LMBR1: variants seen among roughly 807,000 people sequenced by gnomAD.
The protein encoded by LMBR1 is limb development membrane protein 1.
In LMBR1, 52 loss-of-function variants were observed where a neutral mutation model predicts 73.9. The ratio of observed to expected loss-of-function variants is 0.70; its 90% CI spans 0.56 to 0.89. The LOEUF is 0.89. Among genes scored for constraint, LMBR1 ranks in the 40% least tolerant of loss-of-function variants. LMBR1 has a pLI of 0.00. For missense variants in LMBR1, 539 were observed against 579.8 expected, an observed-to-expected ratio of 0.93 and a Z score of 0.72; for synonymous variants, 215 against 209.4, an observed-to-expected ratio of 1.03 and a Z score of -0.23.
At chr7:156,776,396 T>A (rs951754371) in intron 5 of LMBR1, among the ~76,000 whole-genome samples, 2 of 152,128 alleles carry the variant, frequency 1.3e-5, no homozygotes, top group African/African-American at 4.8e-5. Flanking sequence ...TCTTATCACA[T>A]CCCCTGCCCT....
chr7:156,776,039 T>C (rs1195775660), intron 5 of LMBR1, among the ~76,000 whole-genome samples: 2 of 149,236 alleles, frequency 1.3e-5, no homozygotes, highest in Non-Finnish European at 3.0e-5. Flanking sequence ...CGAATGAGTA[T>C]TATATATATA....
intron 5 of LMBR1, among the ~76,000 whole-genome samples, chr7:156,786,881 C>T (rs1828201102): frequency 6.6e-6 from 1 of 152,014 alleles, no homozygotes; most frequent in South Asian, 2.1e-4. Flanking sequence ...TATATATATA[C>T]CCTTTCTAAT....
At chr7:156,784,622 A>G (rs1428359209) in intron 5 of LMBR1, among the ~76,000 whole-genome samples, 2 of 152,248 alleles carry the variant, frequency 1.3e-5, no homozygotes, top group Non-Finnish European at 2.9e-5. Flanking sequence ...TGAGGAGCGC[A>G]GACAATCAAA....
chr7:156,879,700 C>T (rs1305977498), intron 1 of LMBR1, among the ~76,000 whole-genome samples: 1 of 142,986 alleles, frequency 7.0e-6, no homozygotes, highest in Non-Finnish European at 1.5e-5. Context: ...AGGACATAAA[C>T]AAACAATTCC....
chr7:156,727,999 C>G lies in LMBR1; in HGVS notation c.924G>C (p.Ser308=), dbSNP rs369290341. 5 of 1,612,126 alleles carry G rather than the reference C, an allele frequency of 3.1e-6. No homozygotes were observed. The highest frequency in any genetic ancestry group is 4.2e-6 in the Non-Finnish European group (5 of 1,178,958). ...GAATATTACAAGCCACCAAGAGGAC[C>G]GAGATGGACTACAAGACAAACAGCA... ...MVLLLIETSI[S]VLLVACNILC... Residue 308 remains serine (S), a synonymous_variant, in exon 12 of 17, where the codon TCG becomes TCC. Coordinates refer to ENST00000353442, the MANE Select transcript of LMBR1 (RefSeq NM_022458.4).
intron 5 of LMBR1, among the ~76,000 whole-genome samples, chr7:156,785,946 A>G (rs1827998018): frequency 6.6e-6 from 1 of 152,204 alleles, no homozygotes; most frequent in Non-Finnish European, 1.5e-5. Context: ...CCTAGCATGC[A>G]ATAAGCCACC....
rs552327641 is a variant in LMBR1 at position 156,679,986 on chromosome 7, T to G, written c.*4092A>C. 2 of 152,360 alleles carry G rather than the reference T, an allele frequency of 1.3e-5. No homozygotes were observed. The highest frequency in any genetic ancestry group is 4.8e-5 in the African/African-American group (2 of 41,592). The allele number at this position is 152,360 out of a possible 1,614,324, so 9.4% of individuals were successfully genotyped here. ...TTGCCTAATATTCCTTCAAGACATATGGATCAATCACCAAGTTTTGAAATT... is the reference window on the plus strand; with the variant it reads ...TTGCCTAATATTCCTTCAAGACATAGGGATCAATCACCAAGTTTTGAAATT... On this transcript the variant is annotated 3_prime_UTR_variant, in exon 17 of 17. Transcript: ENST00000353442.
chr7:156,888,409 C>CAAAAAAAAAAAAAAAAAA, intron 1 of LMBR1, among the ~76,000 whole-genome samples: 1 of 91,948 alleles, frequency 1.1e-5, no homozygotes, highest in Non-Finnish European at 2.3e-5. Flanking sequence ...GACTCTGTCT[C>CAAAAAAAAAAAAAAAAAA]AAAAAAAAAA....
chr7:156,883,751 C>T (rs1801460003), intron 1 of LMBR1, among the ~76,000 whole-genome samples: 2 of 152,210 alleles, frequency 1.3e-5, no homozygotes, highest in African/African-American at 4.8e-5. Flanking sequence ...GGTCCCTCCT[C>T]CTTCCTCAAA....
intron 4 of LMBR1, among the ~76,000 whole-genome samples, chr7:156,671,102 A>G (rs1335882958): frequency 6.6e-6 from 1 of 152,254 alleles, no homozygotes; most frequent in Non-Finnish European, 1.5e-5. Flanking sequence ...GGCAATAGCT[A>G]AAAGAATAGA....
At chr7:156,725,406 G>C in intron 14 of LMBR1, 29 bp downstream of exon 14, 1 of 1,376,190 alleles carries the variant, frequency 7.3e-7, no homozygotes, top group South Asian at 1.2e-5. Flanking sequence ...GCAAACGAGA[G>C]GCCACAGTCA....
chr7:156,679,571 C>T lies in LMBR1; in HGVS notation c.*4507G>A, dbSNP rs1563114110. On this transcript the variant is annotated 3_prime_UTR_variant, in exon 17 of 17. Coordinates refer to ENST00000353442, the MANE Select transcript of LMBR1 (RefSeq NM_022458.4). ...GTGTTTGTAAGCGGCATCGTTCATT[C>T]AGTAACAGCTTTTCAAAGGAAAGGA... 1 of 152,148 alleles carries T rather than the reference C, an allele frequency of 6.6e-6. No individual in the cohort carries two copies. The allele number at this position is 152,148 out of a possible 1,614,324, so 9.4% of individuals were successfully genotyped here.
At chr7:156,815,803 C>T (rs1461550507) in intron 4 of LMBR1, among the ~76,000 whole-genome samples, 1 of 152,010 alleles carries the variant, frequency 6.6e-6, no homozygotes, top group Non-Finnish European at 1.5e-5. Flanking sequence ...TCCTCGAATA[C>T]TAAGGGTCCA....
At chr7:156,868,654 T>C (rs1798823567) in intron 1 of LMBR1, among the ~76,000 whole-genome samples, 1 of 149,608 alleles carries the variant, frequency 6.7e-6, no homozygotes, top group South Asian at 2.1e-4. Flanking sequence ...CAGAGCAAGA[T>C]GCCATCTCAA....
At chr7:156,672,934 C>G (rs1802887662), downstream of LMBR1, among the ~76,000 whole-genome samples, 1 of 152,248 alleles carries the variant, frequency 6.6e-6, no homozygotes, top group Non-Finnish European at 1.5e-5. Context: ...GCCTCAGAAT[C>G]ACCTGGAGGG....
At chr7:156,860,970 C>T (rs113172759) in intron 1 of LMBR1, among the ~76,000 whole-genome samples, 2 of 152,212 alleles carry the variant, frequency 1.3e-5, no homozygotes, top group South Asian at 2.1e-4. Context: ...CTTTTTCAGG[C>T]GCATGGTGCA....
intron 4 of LMBR1, chr7:156,822,660 T>C (rs1176189987): frequency 6.6e-6 from 1 of 150,818 alleles, no homozygotes; most frequent in African/African-American, 2.4e-5. Context: ...AATATTCAAA[T>C]TCTGGAAAAA....
Position 156,750,247 on chromosome 7 carries a change from G to A in LMBR1, c.757+6146C>T, listed in dbSNP as rs189012577. ...AAAGCTGATTATTTCAATTAATGCCGTTGCATTACTTAAACATTTAAACAT... is the reference window on the plus strand; with the variant it reads ...AAAGCTGATTATTTCAATTAATGCCATTGCATTACTTAAACATTTAAACAT... On this transcript the variant is annotated intron_variant, in intron 9 of 16. Coordinates refer to ENST00000353442, the MANE Select transcript of LMBR1 (RefSeq NM_022458.4). 5.0e-4 allele frequency among the ~76,000 whole-genome samples: 76 copies of A among 152,116 alleles called. No homozygotes were observed. The East Asian group carries it at 5.4e-3, about 11-fold the overall frequency.
intron 5 of LMBR1, among the ~76,000 whole-genome samples, chr7:156,768,610 G>C (rs1439129508): frequency 2.6e-5 from 4 of 152,146 alleles, no homozygotes; most frequent in Admixed American, 1.3e-4. Context: ...TGGGTGGTTT[G>C]GCTTCAGCAG....
Sources: gnomAD v4.1 joint callset for allele counts (sites outside exome capture counted in the v4.1 genomes callset) on GRCh38, gnomAD v4.1.1 for gene constraint, MANE v1.5 for transcripts, NCBI Gene and HGNC (gene_info 2026-07-23, HGNC 2026-07-21) for gene names.